Variants in FANCC observed in about 807,000 individuals in gnomAD.
FANCC encodes the protein FA complementation group C.
A neutral mutation model predicts 71.3 loss-of-function variants in FANCC; 55 were observed. The observed-to-expected ratio is 0.77, with a 90% CI of 0.62 to 0.97. FANCC has a LOEUF of 0.97. FANCC is among the 50% of genes least tolerant of loss of function. The probability of loss-of-function intolerance (pLI) is 0.00; values close to 1 mark genes in which losing one functional copy is unlikely to be tolerated. For synonymous variants in FANCC, 275 were observed against 244.9 expected (o/e 1.12, Z -1.15); for missense variants, 678 against 670.9 (o/e 1.01, Z -0.12).
Position 95,100,595 on chromosome 9 carries a change from T to TACTG in FANCC, c.*1108_*1111dup. The TACTG allele has an allele frequency of 4.3e-6, 1 of 230,790 alleles. No homozygotes were observed. The highest frequency in any genetic ancestry group is 8.6e-6 in the Non-Finnish European group (1 of 116,450). The allele number at this position is 230,790 out of a possible 1,614,324, so 14.3% of individuals were successfully genotyped here. On this transcript the variant is annotated 3_prime_UTR_variant, in exon 15 of 15. Transcript: ENST00000289081. ...GTCCCTGAAAGGAAAAAGCACCCTG[T>TACTG]ACTGACATGAAATAAATGTTAACCT...
chr9:95,211,258 T>A (rs1362141919), intron 4 of FANCC, among the ~76,000 whole-genome samples: 3 of 152,048 alleles, frequency 2.0e-5, no homozygotes, highest in African/African-American at 7.2e-5. Flanking sequence ...AGCACAGAAG[T>A]TTCACTGAGT....
intron 1 of FANCC, among the ~76,000 whole-genome samples, chr9:95,252,274 CAAAAAA>C (rs71366284): frequency 0.021 from 1,060 of 50,146 alleles, 17 homozygotes; most frequent in African/African-American, 0.074. Context: ...GAGACTGATT[CAAAAAA>C]AAAAAAAAAA....
At chr9:95,297,117 T>C (rs773214277) in intron 1 of FANCC, among the ~76,000 whole-genome samples, 1 of 152,190 alleles carries the variant, frequency 6.6e-6, no homozygotes, top group African/African-American at 2.4e-5. Flanking sequence ...CACTGAGAAC[T>C]GAACCATATG....
At chr9:95,107,391 G>A in intron 13 of FANCC, 122 bp from the exon 14 acceptor site, 1 of 1,072,628 alleles carries the variant, frequency 9.3e-7, no homozygotes, top group Non-Finnish European at 1.4e-6. Context: ...CCTGAGAGAG[G>A]GAGCTAGGCA....
intron 1 of FANCC, chr9:95,293,994 TAA>T: frequency 6.3e-7 from 1 of 1,591,914 alleles, no homozygotes; most frequent in Non-Finnish European, 8.6e-7. Flanking sequence ...AGAATGAGCC[TAA>T]GACTTTAAAT....
chr9:95,163,741 C>T (rs1369798039), intron 6 of FANCC, among the ~76,000 whole-genome samples: 3 of 152,098 alleles, frequency 2.0e-5, no homozygotes, highest in Non-Finnish European at 4.4e-5. Flanking sequence ...CCCAGCTACT[C>T]GGGAGGCTGA....
At chr9:95,220,111 G>A in intron 4 of FANCC, among the ~76,000 whole-genome samples, 1 of 152,126 alleles carries the variant, frequency 6.6e-6, no homozygotes, top group East Asian at 1.9e-4. Context: ...ACAGACACAG[G>A]AAAAAATGCT....
intron 4 of FANCC, among the ~76,000 whole-genome samples, chr9:95,228,037 G>A (rs1440718656): frequency 4.6e-5 from 7 of 152,006 alleles, no homozygotes; most frequent in Non-Finnish European, 8.8e-5. Flanking sequence ...CTACCTCAGC[G>A]CCTTCTGCAT....
Position 95,171,177 on chromosome 9 carries a change from G to A in FANCC, c.457-34C>T, listed in dbSNP as rs373613627. 7.3e-6 allele frequency: 11 copies of A among 1,498,722 alleles called. No homozygotes were observed. The African/African-American group carries it at 9.6e-5, about 13-fold the overall frequency. 92.8% of individuals were successfully genotyped at this position (1,498,722 alleles called of 1,614,324 possible). On this transcript the variant is annotated intron_variant, in intron 5 of 14. Coordinates refer to ENST00000289081, the MANE Select transcript of FANCC (RefSeq NM_000136.3). ...CAAAATCAGTTGCAGGTTAACTCAC[G>A]CTGCAAACAGGATTACATCAGTTCT...
intron 4 of FANCC, among the ~76,000 whole-genome samples, chr9:95,235,528 G>A (rs1830265220): frequency 1.3e-5 from 2 of 152,120 alleles, no homozygotes; most frequent in Admixed American, 1.3e-4. Flanking sequence ...CATGACCTTG[G>A]ACTGCAGAAA....
At chr9:95,128,522 G>A in intron 8 of FANCC, among the ~76,000 whole-genome samples, 1 of 152,164 alleles carries the variant, frequency 6.6e-6, no homozygotes. Flanking sequence ...ACTAATTATA[G>A]GGATTTCCAA....
At chr9:95,107,353 AACCCCC>A in intron 13 of FANCC, 84 bp from the exon 14 acceptor site, 4 of 1,443,640 alleles carry the variant, frequency 2.8e-6, no homozygotes, top group Non-Finnish European at 3.8e-6. Flanking sequence ...GCTTTGAAAC[AACCCCC>A]AGAAACGGGT....
intron 6 of FANCC, among the ~76,000 whole-genome samples, chr9:95,170,312 T>G (rs953975596): frequency 6.6e-6 from 1 of 151,284 alleles, no homozygotes; most frequent in East Asian, 1.9e-4. Flanking sequence ...AATAATTATA[T>G]AGTTTAAGGG....
chr9:95,125,144 G>C lies in FANCC; in HGVS notation c.938C>G (p.Ala313Gly). ...GCACTGCGTAAACACCTGAATAGTGGCTATGATTTCCAGGGCCCCATCGGT... is the reference window on the plus strand; with the variant it reads ...GCACTGCGTAAACACCTGAATAGTGCCTATGATTTCCAGGGCCCCATCGGT... ...LETDGALEIIATIQVFTQCFV... is the reference protein window; with the variant it reads ...LETDGALEIIGTIQVFTQCFV... Residue 313 changes from alanine to glycine, a missense_variant, in exon 10 of 15, where the codon GCC (alanine) becomes GGC (glycine). By Grantham distance (60) the Ala-to-Gly change is moderately conservative. Coordinates refer to ENST00000289081, the MANE Select transcript of FANCC (RefSeq NM_000136.3). 6.2e-7 allele frequency: 1 copy of C among 1,614,178 alleles called. No individual in the cohort carries two copies. The highest frequency in any genetic ancestry group is 8.5e-7 in the Non-Finnish European group (1 of 1,180,030).
At chr9:95,293,174 A>T in intron 1 of FANCC, 1 of 1,612,670 alleles carries the variant, frequency 6.2e-7, no homozygotes. Flanking sequence ...AACACTGACA[A>T]GCAGACTCTT....
At chr9:95,244,495 C>T (rs557980493) in intron 3 of FANCC, among the ~76,000 whole-genome samples, 10 of 151,832 alleles carry the variant, frequency 6.6e-5, no homozygotes, top group East Asian at 3.9e-4. Context: ...CTGGCTAACA[C>T]GGTGAAACCC....
intron 1 of FANCC, among the ~76,000 whole-genome samples, chr9:95,289,526 T>C (rs1310866508): frequency 4.6e-5 from 7 of 152,230 alleles, no homozygotes; most frequent in East Asian, 1.9e-4. Context: ...AGGCTTATGA[T>C]TGAGCTAAAA....
At chr9:95,128,394 G>T (rs1826335690) in intron 8 of FANCC, among the ~76,000 whole-genome samples, 1 of 152,220 alleles carries the variant, frequency 6.6e-6, no homozygotes, top group Non-Finnish European at 1.5e-5. Context: ...GCTTGGAAAT[G>T]CGTTGATAGA....
At chr9:95,170,637 C>CGTGTGTGT (rs3992109) in intron 6 of FANCC, among the ~76,000 whole-genome samples, 18,598 of 124,172 alleles carry the variant, frequency 0.15, 1,625 homozygotes, top group African/African-American at 0.18. Flanking sequence ...TTGTAAATAT[C>CGTGTGTGT]GTGTGTGTGT....
Sources: gnomAD v4.1 joint callset for allele counts (sites outside exome capture counted in the v4.1 genomes callset) on GRCh38, gnomAD v4.1.1 for gene constraint, MANE v1.5 for transcripts, NCBI Gene and HGNC (gene_info 2026-07-23, HGNC 2026-07-21) for gene names.